Variants in SEPTIN11 observed in about 807,000 individuals in gnomAD.
The protein encoded by SEPTIN11 is septin-11.
SEPTIN11 carries 25 observed loss-of-function variants against 51.4 expected under a neutral mutation model. That is an observed-to-expected ratio of 0.49 (90% CI 0.35 to 0.68). The LOEUF (loss-of-function observed/expected upper bound fraction) is 0.68. Among genes scored for constraint, SEPTIN11 ranks in the 30% least tolerant of loss-of-function variants. The pLI, the probability that SEPTIN11 is intolerant of heterozygous loss-of-function variation, is 0.00. For missense variants in SEPTIN11, 381 were observed against 520.8 expected (o/e 0.73, Z 2.61); for synonymous variants, 174 against 184.1 (o/e 0.95, Z 0.44).
intron 2 of SEPTIN11, among the ~76,000 whole-genome samples, chr4:77,002,721 T>C (rs1342434145): frequency 1.3e-5 from 2 of 152,152 alleles, no homozygotes; most frequent in African/African-American, 4.8e-5. Flanking sequence ...TTAAACTCTT[T>C]CAGGTTAGGG....
Position 77,036,903 on chromosome 4 carries a change from G to A in SEPTIN11, c.*2391G>A, listed in dbSNP as rs1727069576. The A allele has an allele frequency of 2.1e-5, 28 of 1,362,546 alleles. No homozygotes were observed. The highest frequency in any genetic ancestry group is 2.5e-5 in the Non-Finnish European group (27 of 1,063,292). 84.4% of individuals were successfully genotyped at this position (1,362,546 alleles called of 1,614,324 possible). On this transcript the variant is annotated 3_prime_UTR_variant, in exon 10 of 10. Coordinates refer to ENST00000264893, the MANE Select transcript of SEPTIN11 (RefSeq NM_018243.4). ...TTTCAAAATTAGAGAAAGCAAATGG[G>A]ATGGATAGATTTTTTTTTTCTTTTC...
At chr4:76,976,546 A>G (rs1578133631) in intron 1 of SEPTIN11, among the ~76,000 whole-genome samples, 1 of 152,204 alleles carries the variant, frequency 6.6e-6, no homozygotes, top group Admixed American at 6.5e-5. Flanking sequence ...TCCACTAGAT[A>G]ATAGGCTGAT....
chr4:77,035,331 C>G lies in SEPTIN11; in HGVS notation c.*819C>G. 1 of 985,434 alleles carries G rather than the reference C, an allele frequency of 1.0e-6. No individual in the cohort carries two copies. The highest frequency in any genetic ancestry group is 1.2e-6 in the Non-Finnish European group (1 of 829,940). The allele number at this position is 985,434 out of a possible 1,614,324, so 61.0% of individuals were successfully genotyped here. A position where few individuals can be genotyped will look rare whatever the true frequency, so the allele number is the denominator to read the frequency against. ...TGGGCTTTCTACAGCCTGCTTACCA[C>G]TAACAGTAAGGAATCTTTCATAAAC... is the stretch of plus-strand genomic sequence containing the variant. On this transcript the variant is annotated 3_prime_UTR_variant, in exon 10 of 10. Coordinates refer to ENST00000264893, the MANE Select transcript of SEPTIN11 (RefSeq NM_018243.4).
At chr4:76,966,063 C>T (rs1308232473) in intron 1 of SEPTIN11, among the ~76,000 whole-genome samples, 1 of 152,200 alleles carries the variant, frequency 6.6e-6, no homozygotes, top group Non-Finnish European at 1.5e-5. Flanking sequence ...TTTGTGTTCC[C>T]TTAGGCTTTG....
Position 77,036,922 on chromosome 4 carries a change from T to G in SEPTIN11, c.*2410T>G, listed in dbSNP as rs922046271. 1.6e-5 allele frequency: 22 copies of G among 1,333,564 alleles called. No individual in the cohort carries two copies. The highest frequency in any genetic ancestry group is 3.6e-5 in the Admixed American group (1 of 27,682). 82.6% of individuals were successfully genotyped at this position (1,333,564 alleles called of 1,614,324 possible). ...AAATGGGATGGATAGATTTTTTTTT[T>G]CTTTTCAAGGGGGGCAGGAAGGTAA... On this transcript the variant is annotated 3_prime_UTR_variant, in exon 10 of 10. Transcript: ENST00000264893.
rs371523910 is a variant in SEPTIN11 at position 76,984,323 on chromosome 4, T to C, written c.28-12102T>C. On this transcript the variant is annotated intron_variant, in intron 1 of 9. Transcript: ENST00000264893. The surrounding 1 kb of genome is among the most constrained non-coding windows in gnomAD (Gnocchi z 4.1). The stretch of plus-strand genomic sequence containing the variant: ...GACTTGCTTGGAACTGGATTGGATT[T>C]TTTTTTTTTCTTCTCTCACAGAGAC... Among the ~76,000 whole-genome samples, 543 of 152,216 alleles carry C rather than the reference T, an allele frequency of 3.6e-3. 3 individuals carry two copies. The highest frequency in any genetic ancestry group is 0.012 in the African/African-American group (518 of 41,542).
chr4:76,999,826 CAG>C (rs1723998272), intron 2 of SEPTIN11, among the ~76,000 whole-genome samples: 2 of 152,274 alleles, frequency 1.3e-5, no homozygotes, highest in South Asian at 4.1e-4. Flanking sequence ...AATGAGATAA[CAG>C]AACACCCAGG....
intron 1 of SEPTIN11, among the ~76,000 whole-genome samples, chr4:76,992,730 T>C (rs1723449022): frequency 6.6e-6 from 1 of 152,348 alleles, no homozygotes; most frequent in East Asian, 1.9e-4. Flanking sequence ...GGTGAAATTT[T>C]CCCCAAGATT....
intron 1 of SEPTIN11, among the ~76,000 whole-genome samples, chr4:76,956,940 T>C (rs1721578614): frequency 1.4e-5 from 2 of 147,180 alleles, no homozygotes; most frequent in Non-Finnish European, 3.0e-5. Flanking sequence ...CTGCTCTGAT[T>C]CTAGCTGGGC....
rs192713642 is a variant in SEPTIN11, at chr4:76,986,232, T to A, written c.28-10193T>A. ...ATACATGTTATTCTGGGGGACTCTC[T>A]TATACCTTGAAGTAGACATTGCTGC... On this transcript the variant is annotated intron_variant, in intron 1 of 9. Transcript: ENST00000264893. Among the ~76,000 whole-genome samples, 232 of 152,194 alleles carry A rather than the reference T, an allele frequency of 1.5e-3. 1 individual carries two copies. The highest frequency in any genetic ancestry group is 2.7e-3 in the Non-Finnish European group (182 of 67,998).
At chr4:77,001,351 T>C (rs1275596629) in intron 2 of SEPTIN11, among the ~76,000 whole-genome samples, 1 of 21,734 alleles carries the variant, frequency 4.6e-5, no homozygotes, top group Non-Finnish European at 1.0e-4. Context: ...TTCAATTAAC[T>C]TTTTTTTTTT....
chr4:77,027,705 A>G (rs1016267288), intron 7 of SEPTIN11, among the ~76,000 whole-genome samples: 1 of 152,186 alleles, frequency 6.6e-6, no homozygotes, highest in East Asian at 1.9e-4. Flanking sequence ...CTACAAGACA[A>G]AGAGAGAAAT....
At position 76,949,857 on chromosome 4, in the gene SEPTIN11, T is replaced by G; in HGVS notation, c.-47T>G. The G allele has an allele frequency of 6.6e-7, 1 of 1,507,908 alleles. No homozygotes were observed. Among genetic ancestry groups the G allele is most frequent in the Non-Finnish European group, 8.8e-7 (1 of 1,132,160 alleles). The allele number at this position is 1,507,908 out of a possible 1,614,324, so 93.4% of individuals were successfully genotyped here. A position where few individuals can be genotyped will look rare whatever the true frequency, so the allele number is the denominator to read the frequency against. On this transcript the variant is annotated 5_prime_UTR_variant, in exon 1 of 10. Transcript: ENST00000264893. ...GCCCGAGCACTAGCAGCAGCCGGAG[T>G]CGGCGTAAAGCACCCGGGCGCAGCC...
chr4:77,039,162 C>A, downstream of SEPTIN11: 1 of 1,278,116 alleles, frequency 7.8e-7, no homozygotes, highest in Non-Finnish European at 1.0e-6. Flanking sequence ...TCTGTTCACA[C>A]GTGTTGGGGA....
At chr4:77,026,388 A>C in intron 7 of SEPTIN11, among the ~76,000 whole-genome samples, 1 of 152,172 alleles carries the variant, frequency 6.6e-6, no homozygotes, top group Non-Finnish European at 1.5e-5. Context: ...AGTTGCATCA[A>C]ATGACCTGGG....
Position 76,990,353 on chromosome 4 carries a change from C to A in SEPTIN11, c.28-6072C>A, listed in dbSNP as rs193138095. Reference sequence around the variant, plus strand: ...TTACAATCCTCTTGTAAGAAAAGTTCTCCAAGTCTCCACTCGACCCAGGAA... The same window carrying A: ...TTACAATCCTCTTGTAAGAAAAGTTATCCAAGTCTCCACTCGACCCAGGAA... On this transcript the variant is annotated intron_variant, in intron 1 of 9. Coordinates refer to ENST00000264893, the MANE Select transcript of SEPTIN11 (RefSeq NM_018243.4). Among the ~76,000 whole-genome samples, 486 of 152,270 alleles carry A rather than the reference C, an allele frequency of 3.2e-3. 11 individuals carry two copies. The highest frequency in any genetic ancestry group is 1.4e-3 in the Non-Finnish European group (94 of 68,028).
chr4:76,981,321 G>C (rs1722760673), intron 1 of SEPTIN11, among the ~76,000 whole-genome samples: 1 of 152,162 alleles, frequency 6.6e-6, no homozygotes, highest in Admixed American at 6.5e-5. Flanking sequence ...GGAGAGGACT[G>C]TGGGAACATT....
At chr4:76,963,453 T>G (rs1358981493) in intron 1 of SEPTIN11, among the ~76,000 whole-genome samples, 2 of 152,220 alleles carry the variant, frequency 1.3e-5, no homozygotes, top group Non-Finnish European at 2.9e-5. Flanking sequence ...TAAACAGTGA[T>G]GATCTTAAGG....
At chr4:77,028,503 A>G (rs1209539899) in intron 7 of SEPTIN11, 126 bp from the exon 8 acceptor site, 4 of 1,058,300 alleles carry the variant, frequency 3.8e-6, no homozygotes, top group Non-Finnish European at 5.5e-6. Context: ...CATTCTACTT[A>G]TGCTTTGATC....
Sources: allele counts gnomAD v4.1 joint callset (sites outside exome capture counted in the v4.1 genomes callset), GRCh38; gene constraint gnomAD v4.1.1; non-coding constraint Gnocchi (gnomAD v3.1); transcripts MANE v1.5; gene names NCBI Gene and HGNC (gene_info 2026-07-23, HGNC 2026-07-21).